The following TCF7L2 variants were observed in gnomAD, a reference collection of about 807,000 sequenced individuals.
TCF7L2 encodes the protein transcription factor 7 like 2.
A neutral mutation model predicts 77.9 loss-of-function variants in TCF7L2; 23 were observed. The observed-to-expected ratio is 0.30, with a 90% CI of 0.21 to 0.42. The LOEUF (loss-of-function observed/expected upper bound fraction) is 0.42, where lower values mean the gene tolerates loss of function less well. Among genes scored for constraint, TCF7L2 ranks in the 10% least tolerant of loss-of-function variants. The pLI is 1.00. For synonymous variants in TCF7L2, 413 were observed against 340.2 expected (o/e 1.21, Z -2.36); for missense variants, 654 against 793.1 (o/e 0.82, Z 2.11).
intron 5 of TCF7L2, chr10:113,089,535 A>G (rs950544099): frequency 2.5e-6 from 4 of 1,613,548 alleles, no homozygotes; most frequent in Admixed American, 1.7e-5. Flanking sequence ...GCCCTGGTGT[A>G]TTGAGGTAGG....
chr10:113,165,811 C>G lies in TCF7L2; in HGVS notation c.1648C>G (p.Leu550Val). 1 of 1,604,784 alleles carries G rather than the reference C, an allele frequency of 6.2e-7. No homozygotes were observed. Among genetic ancestry groups the G allele is most frequent in the Non-Finnish European group, 8.5e-7 (1 of 1,174,676 alleles). The change falls in exon 14 of 14, where the codon CTC (leucine) becomes GTC (valine). Residue 550 changes from leucine (L) to valine (V), a missense_variant. This residue lies in a region of TCF7L2 where 272 missense variants were observed against 215.4 expected (regional missense o/e 1.26). Transcript: ENST00000627217. ...TGAGGCCACCCACAAGGCCTCCGCCCTCTGTCCCAACGGGGCCCTGGACCT... is the reference window on the plus strand; with the variant it reads ...TGAGGCCACCCACAAGGCCTCCGCCGTCTGTCCCAACGGGGCCCTGGACCT...
intron 5 of TCF7L2, among the ~76,000 whole-genome samples, chr10:113,056,105 G>C (rs906080884): frequency 2.6e-5 from 4 of 152,218 alleles, no homozygotes; most frequent in Admixed American, 6.5e-5. Context: ...CTGGGCTCCT[G>C]ACTCTGGGAC....
At chr10:112,983,838 T>C (rs945327158) in intron 4 of TCF7L2, among the ~76,000 whole-genome samples, 1 of 152,196 alleles carries the variant, frequency 6.6e-6, no homozygotes, top group Admixed American at 6.5e-5. Flanking sequence ...GTTGGAACTT[T>C]CTTGTGTGTC....
Position 113,167,024 on chromosome 10 carries a change from T to G in TCF7L2, c.*1052T>G, listed in dbSNP as rs533676313. On this transcript the variant is annotated 3_prime_UTR_variant, in exon 14 of 14. Coordinates refer to ENST00000627217, the MANE Select transcript of TCF7L2 (RefSeq NM_001146274.2). ...CCTTTGAACTCCCAGTGGGATGCCCTACCCTGCGCCCTTAGGACCCGGACT... is the reference window on the plus strand; with the variant it reads ...CCTTTGAACTCCCAGTGGGATGCCCGACCCTGCGCCCTTAGGACCCGGACT... 4.3e-6 allele frequency: 1 copy of G among 231,492 alleles called. No homozygotes were observed. The highest frequency in any genetic ancestry group is 6.1e-5 in the East Asian group (1 of 16,314). 14.3% of individuals were successfully genotyped at this position (231,492 alleles called of 1,614,324 possible). A position where few individuals can be genotyped will look rare whatever the true frequency, so the allele number is the denominator to read the frequency against.
chr10:113,155,843 T>C (rs2071761558), intron 11 of TCF7L2, among the ~76,000 whole-genome samples: 1 of 152,228 alleles, frequency 6.6e-6, no homozygotes, highest in African/African-American at 2.4e-5. Context: ...GATGGTCCAT[T>C]GCAGGCCCAT....
Position 113,151,927 on chromosome 10 carries a change from G to C in TCF7L2, c.1161+43G>C. 2 of 1,563,028 alleles carry C rather than the reference G, an allele frequency of 1.3e-6. No individual in the cohort carries two copies. The highest frequency in any genetic ancestry group is 1.7e-6 in the Non-Finnish European group (2 of 1,160,846). On this transcript the variant is annotated intron_variant, in intron 10 of 13. Transcript: ENST00000627217. This position sits in a 1 kb window ranked among gnomAD's most constrained non-coding sequence, Gnocchi z 5.2. ...CAGGGAGAAGCGGGGGGCGGGTGGTGAGGGACCAGAGTGCAGCAGGTCAGG... is the reference window on the plus strand; with the variant it reads ...CAGGGAGAAGCGGGGGGCGGGTGGTCAGGGACCAGAGTGCAGCAGGTCAGG...
At position 113,104,387 on chromosome 10, in the gene TCF7L2, C is replaced by T. The variant is rs149256633; in HGVS notation, c.553-36797C>T. On this transcript the variant is annotated intron_variant, in intron 5 of 13. Coordinates refer to ENST00000627217, the MANE Select transcript of TCF7L2 (RefSeq NM_001146274.2). The stretch of plus-strand genomic sequence containing the variant: ...ATGCTATTCTTCTCATAGCCAGAGG[C>T]CAAGATCCCTTGTGGAGCAGTGCCT... Among the ~76,000 whole-genome samples the T allele has an allele frequency of 1.8e-3, 276 of 152,252 alleles. 1 individual carries two copies. Among genetic ancestry groups the T allele is most frequent in the Non-Finnish European group, 2.6e-3 (180 of 68,018 alleles).
chr10:112,954,118 G>T (rs780076235), intron 3 of TCF7L2, among the ~76,000 whole-genome samples: 10 of 152,224 alleles, frequency 6.6e-5, no homozygotes, highest in Non-Finnish European at 1.2e-4. Context: ...GCTGCGGGAG[G>T]AATGGAGGAA....
chr10:113,063,869 ATGTG>A (rs965898109), intron 5 of TCF7L2, among the ~76,000 whole-genome samples: 1 of 147,228 alleles, frequency 6.8e-6, no homozygotes, highest in African/African-American at 2.5e-5. Flanking sequence ...AGAAGAGTGT[ATGTG>A]TGTGTGCACA....
intron 5 of TCF7L2, among the ~76,000 whole-genome samples, chr10:113,080,741 G>A (rs923664875): frequency 3.0e-4 from 45 of 152,202 alleles, no homozygotes; most frequent in Non-Finnish European, 1.9e-4. Flanking sequence ...ATAAGCACCC[G>A]AGAAGGTTTA....
intron 13 of TCF7L2, among the ~76,000 whole-genome samples, chr10:113,162,757 A>C (rs2073370192): frequency 6.6e-6 from 1 of 152,190 alleles, no homozygotes; most frequent in African/African-American, 2.4e-5. Flanking sequence ...TGGAATGATT[A>C]GCAAATGCAT....
intron 5 of TCF7L2, chr10:113,126,933 C>CGCTGCATCCCGCGCGCCTGCCCT: frequency 1.0e-6 from 1 of 984,924 alleles, no homozygotes; most frequent in Non-Finnish European, 1.2e-6. Context: ...GTGGCCGGCC[C>CGCTGCATCCCGCGCGCCTGCCCT]GCTGCATCCC....
chr10:113,055,854 A>C (rs570935875), intron 5 of TCF7L2, among the ~76,000 whole-genome samples: 1 of 152,364 alleles, frequency 6.6e-6, no homozygotes, highest in African/African-American at 2.4e-5. Flanking sequence ...CGAATTCTGC[A>C]GATAGTTGGT....
chr10:113,147,828 A>G (rs1282211912), intron 8 of TCF7L2, among the ~76,000 whole-genome samples: 1 of 152,162 alleles, frequency 6.6e-6, no homozygotes, highest in Non-Finnish European at 1.5e-5. Context: ...AATTATCATT[A>G]GGAGGTTAGT....
At chr10:113,026,206 A>G (rs1303936219) in intron 4 of TCF7L2, among the ~76,000 whole-genome samples, 2 of 121,076 alleles carry the variant, frequency 1.7e-5, no homozygotes, top group Admixed American at 1.6e-4. Context: ...GCTGGAGTGC[A>G]AGTGGCACAG....
intron 5 of TCF7L2, among the ~76,000 whole-genome samples, chr10:113,134,478 G>A (rs1030687852): frequency 1.3e-5 from 2 of 152,168 alleles, no homozygotes; most frequent in Non-Finnish European, 1.5e-5. Flanking sequence ...GTTGGGGACA[G>A]GGGGGTTACC....
chr10:113,024,616 CTTTTTTTT>C (rs377705347), intron 4 of TCF7L2, among the ~76,000 whole-genome samples: 1 of 124,804 alleles, frequency 8.0e-6, no homozygotes, highest in Non-Finnish European at 1.7e-5. Flanking sequence ...TATATAAACC[CTTTTTTTT>C]TTTTTTTTTT....
At chr10:113,000,725 T>G (rs2133335893) in intron 4 of TCF7L2, among the ~76,000 whole-genome samples, 1 of 152,090 alleles carries the variant, frequency 6.6e-6, no homozygotes, top group East Asian at 1.9e-4. Flanking sequence ...GAATCCTAAT[T>G]CTGTGAGAAG....
intron 3 of TCF7L2, among the ~76,000 whole-genome samples, chr10:112,961,835 T>A (rs1361700066): frequency 2.9e-5 from 1 of 34,486 alleles, no homozygotes; most frequent in African/African-American, 1.1e-4. Context: ...GGCTGGGGGG[T>A]GGGGTGGGGG....
Sources: gnomAD v4.1 joint callset for allele counts (sites outside exome capture counted in the v4.1 genomes callset) on GRCh38, gnomAD v4.1.1 for gene constraint, gnomAD v4.1.1 regional missense constraint, Gnocchi (gnomAD v3.1) non-coding constraint, MANE v1.5 for transcripts, NCBI Gene and HGNC (gene_info 2026-07-23, HGNC 2026-07-21) for gene names.